The following HAPLN1 variants were observed in gnomAD, a reference collection of about 807,000 sequenced individuals.
HAPLN1 encodes hyaluronan and proteoglycan link protein 1.
A neutral mutation model predicts 36.5 loss-of-function variants in HAPLN1; 13 were observed. The observed-to-expected ratio is 0.36, with a 90% confidence interval of 0.23 to 0.57. The LOEUF (loss-of-function observed/expected upper bound fraction) is 0.57, where lower values mean the gene tolerates loss of function less well. Ranked by LOEUF, HAPLN1 falls within the 20% of genes least tolerant of loss-of-function variation. The pLI, the probability that HAPLN1 is intolerant of heterozygous loss-of-function variation, is 0.83. For missense variants in HAPLN1, 407 were observed against 439.7 expected (o/e 0.93, Z 0.66); for synonymous variants, 202 against 169.8 (o/e 1.19, Z -1.48).
intron 2 of HAPLN1, among the ~76,000 whole-genome samples, chr5:83,653,771 T>A (rs1280578492): frequency 6.6e-6 from 1 of 152,228 alleles, no homozygotes; most frequent in African/African-American, 2.4e-5. Flanking sequence ...AGGTCTGCCG[T>A]TTTCTACATA....
In HAPLN1 at chr5:83,704,132, C is replaced by G. The variant is rs1751575921; in HGVS notation, c.-27+16657G>C. On this transcript the variant is annotated intron_variant, in intron 1 of 4. Transcript: ENST00000274341. ...CAAAAAAAAAAAAAAAATCTTCAAC[C>G]AAGAATTTTATGTCCAGCTGAACTA... Among the ~76,000 whole-genome samples the G allele has an allele frequency of 2.0e-5, 3 of 150,420 alleles. No individual in the cohort carries two copies. In the South Asian group the frequency reaches 6.3e-4, roughly 32 times the overall value.
At chr5:83,708,118 T>C (rs1751692241) in intron 1 of HAPLN1, among the ~76,000 whole-genome samples, 1 of 152,240 alleles carries the variant, frequency 6.6e-6, no homozygotes, top group African/African-American at 2.4e-5. Flanking sequence ...TTGGAGGGAA[T>C]GTAAGTTAGT....
intron 1 of HAPLN1, among the ~76,000 whole-genome samples, chr5:83,704,293 A>G (rs958714461): frequency 1.3e-5 from 2 of 152,204 alleles, no homozygotes; most frequent in Non-Finnish European, 2.9e-5. Context: ...CTACTAGTTA[A>G]TACAAAAGCA....
At chr5:83,659,007 C>T (rs1444340006) in intron 2 of HAPLN1, among the ~76,000 whole-genome samples, 6 of 152,288 alleles carry the variant, frequency 3.9e-5, no homozygotes, top group African/African-American at 1.4e-4. Flanking sequence ...GGTGCAGTGG[C>T]TCATGCCTGT....
At chr5:83,695,309 A>G (rs1306578921) in intron 1 of HAPLN1, among the ~76,000 whole-genome samples, 3 of 151,864 alleles carry the variant, frequency 2.0e-5, no homozygotes, top group Non-Finnish European at 4.4e-5. Flanking sequence ...TATTTTTAGT[A>G]GAGATGGGGT....
At chr5:83,648,362 A>C (rs1373536053) in intron 3 of HAPLN1, among the ~76,000 whole-genome samples, 2 of 141,726 alleles carry the variant, frequency 1.4e-5, no homozygotes, top group Admixed American at 7.1e-5. Context: ...ACTCTAGGAT[A>C]TAGGTATGGA....
chr5:83,668,789 A>G (rs1001185654), intron 2 of HAPLN1, among the ~76,000 whole-genome samples: 4 of 152,206 alleles, frequency 2.6e-5, no homozygotes, highest in Non-Finnish European at 5.9e-5. Context: ...AGACAATCTG[A>G]TGAGGGAGGG....
Position 83,641,363 on chromosome 5 carries a change from G to T in HAPLN1, c.*133C>A. The T allele has an allele frequency of 1.5e-6, 1 of 658,484 alleles. No individual in the cohort carries two copies. Among genetic ancestry groups the T allele is most frequent in the Non-Finnish European group, 2.4e-6 (1 of 408,332 alleles). 40.8% of individuals were successfully genotyped at this position (658,484 alleles called of 1,614,324 possible). A position where few individuals can be genotyped will look rare whatever the true frequency, so the allele number is the denominator to read the frequency against. ...AACAAATCAATGAATTGATCTTTAT[G>T]AAAATGACTCTTTACAGTAAGTAAA... is the stretch of plus-strand genomic sequence containing the variant. On this transcript the variant is annotated 3_prime_UTR_variant, in exon 5 of 5. Coordinates refer to ENST00000274341, the MANE Select transcript of HAPLN1 (RefSeq NM_001884.4).
At chr5:83,717,629 T>G (rs1019429204) in intron 1 of HAPLN1, among the ~76,000 whole-genome samples, 2 of 152,192 alleles carry the variant, frequency 1.3e-5, no homozygotes, top group South Asian at 4.1e-4. Context: ...AAGAAAAGGT[T>G]TTTAAAGCTC....
intron 2 of HAPLN1, among the ~76,000 whole-genome samples, chr5:83,663,188 T>G (rs1232285781): frequency 6.6e-6 from 1 of 152,212 alleles, no homozygotes; most frequent in Non-Finnish European, 1.5e-5. Flanking sequence ...TTCCCAGTGA[T>G]GCTGTCTTAA....
At chr5:83,680,476 G>T (rs919895476) in intron 1 of HAPLN1, among the ~76,000 whole-genome samples, 1 of 152,014 alleles carries the variant, frequency 6.6e-6, no homozygotes, top group African/African-American at 2.4e-5. Flanking sequence ...GTTTCTGTAG[G>T]TATTCTCACT....
At chr5:83,693,804 T>G (rs1161149852) in intron 1 of HAPLN1, among the ~76,000 whole-genome samples, 1 of 151,888 alleles carries the variant, frequency 6.6e-6, no homozygotes. Context: ...TGTATGCTTC[T>G]AATAACAGAG....
Position 83,656,164 on chromosome 5 carries a change from C to T in HAPLN1, c.101-3340G>A, listed in dbSNP as rs149898190. On this transcript the variant is annotated intron_variant, in intron 2 of 4. Transcript: ENST00000274341. Reference sequence around the variant, plus strand: ...TCAACATGGTGAAACCCCGTCTCAACTAAAAGTACAAAAATTAGACAGGCA... The same window carrying T: ...TCAACATGGTGAAACCCCGTCTCAATTAAAAGTACAAAAATTAGACAGGCA... 7.9e-5 allele frequency among the ~76,000 whole-genome samples: 12 copies of T among 151,736 alleles called. No individual in the cohort carries two copies. The East Asian group carries it at 2.1e-3, about 27-fold the overall frequency.
chr5:83,649,998 A>C (rs900160385), intron 3 of HAPLN1, among the ~76,000 whole-genome samples: 1 of 152,232 alleles, frequency 6.6e-6, no homozygotes, highest in Non-Finnish European at 1.5e-5. Context: ...CTATGAGAAC[A>C]TCATGGAGGA....
At position 83,644,435 on chromosome 5, in the gene HAPLN1, C is replaced by G. The variant is rs200129536; in HGVS notation, c.703G>C (p.Val235Leu). 3 of 1,610,928 alleles carry G rather than the reference C, an allele frequency of 1.9e-6. No homozygotes were observed. The African/African-American group carries it at 4.0e-5, about 22-fold the overall frequency. The change falls in exon 4 of 5, where the codon GTC becomes CTC. Residue 235 changes from valine (V) to leucine (L), a missense_variant. Physicochemically the swap from Val to Leu is conservative, Grantham distance 32. Coordinates refer to ENST00000274341, the MANE Select transcript of HAPLN1 (RefSeq NM_001884.4). The stretch of plus-strand genomic sequence containing the variant: ...TTATCCCAAAATCCGTAGTTCCTGA[C>G]TCCGGGCACTGTGTTCTGCCCCCCA... The part of the protein sequence containing the change: ...PCGGQNTVPG[V>L]RNYGFWDKDK...
chr5:83,693,126 G>A (rs1419559430), intron 1 of HAPLN1, among the ~76,000 whole-genome samples: 1 of 151,852 alleles, frequency 6.6e-6, no homozygotes, highest in Non-Finnish European at 1.5e-5. Flanking sequence ...AGTTATATGA[G>A]TATGGCCTCT....
intron 2 of HAPLN1, among the ~76,000 whole-genome samples, chr5:83,672,045 A>AT: frequency 6.6e-6 from 1 of 152,316 alleles, no homozygotes; most frequent in African/African-American, 2.4e-5. Flanking sequence ...ATGTTAGTAC[A>AT]TTTTTAAAAC....
At chr5:83,646,890 T>C (rs985303138) in intron 3 of HAPLN1, among the ~76,000 whole-genome samples, 7 of 152,226 alleles carry the variant, frequency 4.6e-5, no homozygotes, top group African/African-American at 7.2e-5. Context: ...CAGTAGAGAT[T>C]CCTTTTAGCT....
intron 1 of HAPLN1, chr5:83,686,086 AT>A (rs1751113727): frequency 7.0e-6 from 1 of 143,352 alleles, no homozygotes; most frequent in Non-Finnish European, 1.5e-5. Flanking sequence ...ATTATTTGAA[AT>A]TGTACTATCA....
Sources: gnomAD v4.1 joint callset for allele counts (sites outside exome capture counted in the v4.1 genomes callset) on GRCh38, gnomAD v4.1.1 for gene constraint, MANE v1.5 for transcripts, NCBI Gene and HGNC (gene_info 2026-07-23, HGNC 2026-07-21) for gene names.